The following RABGAP1L variants were observed in gnomAD, a reference collection of about 807,000 sequenced individuals.
The protein encoded by RABGAP1L is RAB GTPase activating protein 1 like.
RABGAP1L carries 63 observed loss-of-function variants against 137.7 expected under a neutral mutation model. The observed-to-expected ratio is 0.46, with a 90% CI of 0.37 to 0.56. RABGAP1L has a LOEUF of 0.56. RABGAP1L is among the 20% of genes least tolerant of loss of function. RABGAP1L has a pLI of 0.00. For missense variants in RABGAP1L, 1,095 were observed against 1,244.0 expected (o/e 0.88, Z 1.80); for synonymous variants, 431 against 433.7 (o/e 0.99, Z 0.08).
intron 11 of RABGAP1L, among the ~76,000 whole-genome samples, chr1:174,350,195 C>T (rs1208653982): frequency 4.9e-5 from 7 of 142,884 alleles, no homozygotes; most frequent in Non-Finnish European, 7.8e-5. Context: ...GCTGACCCCC[C>T]CCCCACCTCC....
chr1:174,438,758 A>C (rs1027149586), intron 13 of RABGAP1L, among the ~76,000 whole-genome samples: 2 of 140,956 alleles, frequency 1.4e-5, no homozygotes. Flanking sequence ...ATATATATAT[A>C]TATATATATA....
chr1:174,949,683 A>C (rs1667429910), intron 19 of RABGAP1L, among the ~76,000 whole-genome samples: 1 of 152,184 alleles, frequency 6.6e-6, no homozygotes, highest in East Asian at 1.9e-4. Context: ...AAAACTATAA[A>C]TTTAGGAGTT....
In RABGAP1L at chr1:174,922,679, A is replaced by G. The variant is rs534103095; in HGVS notation, c.2341-34778A>G. On this transcript the variant is annotated intron_variant, in intron 19 of 25. Coordinates refer to ENST00000681986, the MANE Select transcript of RABGAP1L (RefSeq NM_001366446.1). ...AAAGAGCAATGATAACATTATTTCC[A>G]AAACTGGAACTCATGCATATTCACA... Among the ~76,000 whole-genome samples the G allele has an allele frequency of 6.6e-5, 10 of 152,354 alleles. No individual in the cohort carries two copies. The East Asian group carries it at 1.7e-3, about 26-fold the overall frequency.
rs923286699 is a variant in RABGAP1L at position 174,234,587 on chromosome 1, C to A, written c.542+3232C>A. On this transcript the variant is annotated intron_variant, in intron 4 of 25. Coordinates refer to ENST00000681986, the MANE Select transcript of RABGAP1L (RefSeq NM_001366446.1). ...AGATCAGATAGTTGTAGGTATGCGG[C>A]ATTATTTCTGAGGGCTCTTTTCTGT... Among the ~76,000 whole-genome samples, 13 of 150,888 alleles carry A rather than the reference C, an allele frequency of 8.6e-5. 1 individual carries two copies. Among genetic ancestry groups the A allele is most frequent in the Non-Finnish European group, 1.5e-4 (10 of 68,024 alleles).
At chr1:174,645,869 G>A (rs533629444) in intron 14 of RABGAP1L, among the ~76,000 whole-genome samples, 3 of 152,260 alleles carry the variant, frequency 2.0e-5, no homozygotes, top group African/African-American at 7.2e-5. Context: ...TCCAGCATCT[G>A]TTGTTTCCTG....
chr1:174,953,122 TA>T (rs1205309531), intron 19 of RABGAP1L, among the ~76,000 whole-genome samples: 1 of 148,596 alleles, frequency 6.7e-6, no homozygotes, highest in African/African-American at 2.5e-5. Context: ...GAATACAAAA[TA>T]GGGTGATATC....
At chr1:174,308,787 A>G (rs1387332528) in intron 11 of RABGAP1L, among the ~76,000 whole-genome samples, 3 of 152,028 alleles carry the variant, frequency 2.0e-5, no homozygotes, top group African/African-American at 7.2e-5. Flanking sequence ...ATTGCACTAG[A>G]TTTTGAAGTC....
At chr1:174,950,439 G>A (rs1667534296) in intron 19 of RABGAP1L, among the ~76,000 whole-genome samples, 1 of 152,156 alleles carries the variant, frequency 6.6e-6, no homozygotes, top group African/African-American at 2.4e-5. Context: ...CCACTATGAA[G>A]AGGATTAAGT....
At chr1:174,765,677 A>G (rs566530960) in intron 18 of RABGAP1L, among the ~76,000 whole-genome samples, 203 of 151,688 alleles carry the variant, frequency 1.3e-3, no homozygotes, top group Non-Finnish European at 2.5e-3. Context: ...TGTGCTGGGT[A>G]TTGCCTCCCA....
chr1:174,666,719 C>G (rs1181969224), intron 14 of RABGAP1L, among the ~76,000 whole-genome samples: 1 of 152,086 alleles, frequency 6.6e-6, no homozygotes, highest in African/African-American at 2.4e-5. Flanking sequence ...GTTGCCCATT[C>G]CTGGGACAAA....
chr1:174,961,819 G>A (rs12074821), intron 20 of RABGAP1L, among the ~76,000 whole-genome samples: 14,980 of 136,164 alleles, frequency 0.11, 875 homozygotes, highest in East Asian at 0.24. Flanking sequence ...GCACTCCAGC[G>A]TGGGCAATAG....
intron 13 of RABGAP1L, among the ~76,000 whole-genome samples, chr1:174,532,846 C>T (rs1664543429): frequency 6.6e-6 from 1 of 152,002 alleles, no homozygotes; most frequent in African/African-American, 2.4e-5. Context: ...CCACTAATAC[C>T]ACTTATAACA....
At chr1:174,436,592 C>T (rs1466247767) in intron 13 of RABGAP1L, among the ~76,000 whole-genome samples, 4 of 152,070 alleles carry the variant, frequency 2.6e-5, no homozygotes, top group Non-Finnish European at 4.4e-5. Context: ...AAATTTTCTC[C>T]CATTTTGTAG....
At chr1:174,655,400 A>G (rs575838935) in intron 14 of RABGAP1L, among the ~76,000 whole-genome samples, 12 of 152,258 alleles carry the variant, frequency 7.9e-5, no homozygotes, top group African/African-American at 2.6e-4. Flanking sequence ...ATATCCCTCA[A>G]TTTGGGCATG....
intron 19 of RABGAP1L, among the ~76,000 whole-genome samples, chr1:174,952,752 G>C (rs1005930383): frequency 6.6e-6 from 1 of 151,934 alleles, no homozygotes; most frequent in Non-Finnish European, 1.5e-5. Flanking sequence ...ACGATGCTCA[G>C]CTAATTTTTG....
intron 11 of RABGAP1L, among the ~76,000 whole-genome samples, chr1:174,362,085 C>T (rs1185954272): frequency 6.6e-6 from 1 of 152,066 alleles, no homozygotes; most frequent in Non-Finnish European, 1.5e-5. Context: ...GTCTCCATCT[C>T]CATCCATGTC....
intron 13 of RABGAP1L, among the ~76,000 whole-genome samples, chr1:174,510,752 A>G (rs753392217): frequency 2.0e-5 from 3 of 152,320 alleles, no homozygotes; most frequent in African/African-American, 4.8e-5. Context: ...CCTGCTTTAA[A>G]TGGAACAACA....
intron 13 of RABGAP1L, among the ~76,000 whole-genome samples, chr1:174,623,516 C>CAAAGG (rs1672706246): frequency 6.6e-6 from 1 of 152,178 alleles, no homozygotes; most frequent in African/African-American, 2.4e-5. Context: ...GGAAGAAACA[C>CAAAGG]AAAGGGTTGA....
At chr1:174,858,213 C>T (rs979686834) in intron 19 of RABGAP1L, among the ~76,000 whole-genome samples, 8 of 152,104 alleles carry the variant, frequency 5.3e-5, no homozygotes, top group African/African-American at 9.6e-5. Flanking sequence ...GATGGGGTCT[C>T]ACTACGTTAC....
Sources: gnomAD v4.1 joint callset for allele counts (sites outside exome capture counted in the v4.1 genomes callset) on GRCh38, gnomAD v4.1.1 for gene constraint, MANE v1.5 for transcripts, NCBI Gene and HGNC (gene_info 2026-07-23, HGNC 2026-07-21) for gene names.